Variants in STAG1 observed in about 807,000 individuals in gnomAD.
STAG1 encodes STAG1 cohesin complex component.
STAG1 carries 26 observed loss-of-function variants against 170.9 expected under a neutral mutation model. The observed-to-expected ratio is 0.15, with a 90% CI of 0.11 to 0.21. The LOEUF is 0.21. Ranked by LOEUF, STAG1 falls within the 10% of genes least tolerant of loss-of-function variation. The probability of loss-of-function intolerance (pLI) is 1.00; values close to 1 mark genes in which losing one functional copy is unlikely to be tolerated. For missense variants in STAG1, 964 were observed against 1,509.5 expected (o/e 0.64, Z 5.99); for synonymous variants, 514 against 497.7 (o/e 1.03, Z -0.44).
intron 10 of STAG1, among the ~76,000 whole-genome samples, chr3:136,475,005 G>T (rs1203602313): frequency 6.6e-6 from 1 of 151,974 alleles, no homozygotes; most frequent in Non-Finnish European, 1.5e-5. Context: ...TTCTGTACAG[G>T]ATACCCTCTA....
intron 1 of STAG1, among the ~76,000 whole-genome samples, chr3:136,700,326 T>G (rs1943015176): frequency 6.6e-6 from 1 of 151,284 alleles, no homozygotes; most frequent in Non-Finnish European, 1.5e-5. Flanking sequence ...GTTTCGAATC[T>G]CGGTCTGCTG....
intron 21 of STAG1, among the ~76,000 whole-genome samples, chr3:136,404,131 G>A (rs1335507120): frequency 1.3e-5 from 2 of 152,080 alleles, no homozygotes; most frequent in Admixed American, 6.6e-5. Context: ...CTTTCTGGAG[G>A]ACAAATGACA....
chr3:136,720,201 A>T (rs1933155934), intron 1 of STAG1, among the ~76,000 whole-genome samples: 1 of 151,966 alleles, frequency 6.6e-6, no homozygotes. Flanking sequence ...AAAAATCTTA[A>T]GTGAACACTG....
At chr3:136,620,688 T>C (rs973925909) in intron 3 of STAG1, among the ~76,000 whole-genome samples, 3 of 152,232 alleles carry the variant, frequency 2.0e-5, no homozygotes, top group African/African-American at 7.2e-5. Context: ...CTGATTGAGT[T>C]AGGTGGAAGT....
intron 1 of STAG1, among the ~76,000 whole-genome samples, chr3:136,659,666 T>C (rs1438467557): frequency 1.3e-5 from 2 of 152,244 alleles, no homozygotes; most frequent in Non-Finnish European, 2.9e-5. Flanking sequence ...AATGCTATCA[T>C]GGTTTGTAAA....
At position 136,436,210 on chromosome 3, in the gene STAG1, C is replaced by T. The variant is rs546193922; in HGVS notation, c.1547-2551G>A. On this transcript the variant is annotated intron_variant, in intron 15 of 33. Coordinates refer to ENST00000383202, the MANE Select transcript of STAG1 (RefSeq NM_005862.3). ...ACCTCAAGTGATCCACCGGCCTCAG[C>T]CTCTCAAAGTGCTGAGATTCCAAGC... 2.0e-5 allele frequency among the ~76,000 whole-genome samples: 3 copies of T among 152,276 alleles called. No individual in the cohort carries two copies. The South Asian group carries it at 6.2e-4, about 32-fold the overall frequency.
chr3:136,609,792 A>G (rs552230742), intron 3 of STAG1, among the ~76,000 whole-genome samples: 1 of 152,244 alleles, frequency 6.6e-6, no homozygotes, highest in South Asian at 2.1e-4. Context: ...GAAATCATTC[A>G]CTGGTTATCT....
At chr3:136,635,997 C>T (rs1940537931) in intron 1 of STAG1, among the ~76,000 whole-genome samples, 2 of 152,174 alleles carry the variant, frequency 1.3e-5, no homozygotes, top group South Asian at 4.1e-4. Context: ...CCTGTAATCC[C>T]AGCACTTTGG....
At chr3:136,401,243 C>T (rs2087316767) in intron 21 of STAG1, among the ~76,000 whole-genome samples, 1 of 152,150 alleles carries the variant, frequency 6.6e-6, no homozygotes, top group Admixed American at 6.6e-5. Context: ...TGTTTTATTG[C>T]AGTAAGATAC....
intron 1 of STAG1, among the ~76,000 whole-genome samples, chr3:136,676,855 CTT>C (rs993029996): frequency 4.6e-5 from 7 of 151,548 alleles, no homozygotes; most frequent in Admixed American, 4.6e-4. Flanking sequence ...GTTATAAAAA[CTT>C]AAAGTTTTTT....
intron 4 of STAG1, among the ~76,000 whole-genome samples, chr3:136,583,414 T>A (rs550246665): frequency 5.0e-4 from 76 of 152,320 alleles, no homozygotes; most frequent in Non-Finnish European, 3.2e-4. Context: ...ATTTTTTTAA[T>A]GTTATCATGA....
chr3:136,534,392 C>T (rs1205131876), intron 6 of STAG1, among the ~76,000 whole-genome samples: 1 of 151,398 alleles, frequency 6.6e-6, no homozygotes, highest in Non-Finnish European at 1.5e-5. Context: ...CAAAAACAAA[C>T]AAATAAAAAA....
chr3:136,601,333 G>A (rs1324922137), intron 4 of STAG1, among the ~76,000 whole-genome samples: 1 of 151,730 alleles, frequency 6.6e-6, no homozygotes. Flanking sequence ...AATTACAAAC[G>A]TTTATAAATT....
chr3:136,537,973 CT>C (rs1439454728), intron 6 of STAG1, among the ~76,000 whole-genome samples: 1 of 152,088 alleles, frequency 6.6e-6, no homozygotes, highest in East Asian at 1.9e-4. Flanking sequence ...CCATGAAAAT[CT>C]AATGATACAA....
chr3:136,737,222 C>T lies in STAG1; in HGVS notation c.-84+14973G>A, dbSNP rs554748450. The T allele has an allele frequency of 4.7e-4, 309 of 662,266 alleles. No homozygotes were observed. The African/African-American group carries it at 5.1e-3, about 11-fold the overall frequency. The allele number at this position is 662,266 out of a possible 1,614,324, so 41.0% of individuals were successfully genotyped here. ...CACGAAGTCCCGCTCTCTCCTGAAGCCGCCACTTCCCCAGCCCAGCCACCA... is the reference window on the plus strand; with the variant it reads ...CACGAAGTCCCGCTCTCTCCTGAAGTCGCCACTTCCCCAGCCCAGCCACCA... On this transcript the variant is annotated intron_variant, in intron 1 of 33. Transcript: ENST00000383202.
chr3:136,443,645 C>T (rs2088694506), intron 14 of STAG1, among the ~76,000 whole-genome samples: 1 of 152,112 alleles, frequency 6.6e-6, no homozygotes, highest in Non-Finnish European at 1.5e-5. Context: ...CCAATGACAT[C>T]ATTTATAGAT....
At chr3:136,745,643 C>A (rs545780904) in intron 1 of STAG1, among the ~76,000 whole-genome samples, 2 of 152,312 alleles carry the variant, frequency 1.3e-5, no homozygotes, top group South Asian at 4.1e-4. Flanking sequence ...AGCTCACCTG[C>A]CTCTCACCTC....
chr3:136,655,179 T>C (rs953441392), intron 1 of STAG1, among the ~76,000 whole-genome samples: 8 of 152,050 alleles, frequency 5.3e-5, no homozygotes, highest in African/African-American at 1.4e-4. Flanking sequence ...AAGAAACAAA[T>C]CCAACAGGGT....
chr3:136,661,860 C>G (rs1048872333), intron 1 of STAG1, among the ~76,000 whole-genome samples: 2 of 152,192 alleles, frequency 1.3e-5, no homozygotes, highest in African/African-American at 4.8e-5. Context: ...TTATCATCCC[C>G]ATTTTACACA....
Sources: allele counts gnomAD v4.1 joint callset (sites outside exome capture counted in the v4.1 genomes callset), GRCh38; gene constraint gnomAD v4.1.1; transcripts MANE v1.5; gene names NCBI Gene and HGNC (gene_info 2026-07-23, HGNC 2026-07-21).